COL4A2: variants seen among roughly 807,000 people sequenced by gnomAD.
COL4A2 encodes the protein collagen alpha-2(IV) chain.
A neutral mutation model predicts 200.2 loss-of-function variants in COL4A2; 99 were observed. The ratio of observed to expected loss-of-function variants is 0.49; its 90% confidence interval spans 0.42 to 0.58. The LOEUF is 0.58. COL4A2 is among the 20% of genes least tolerant of loss of function. The pLI is 0.00. For missense variants in COL4A2, 1,950 were observed against 2,314.1 expected (o/e 0.84, Z 3.23); for synonymous variants, 897 against 900.6 (o/e 1.00, Z 0.07).
At chr13:110,330,571 G>A (rs1875861207) in intron 3 of COL4A2, among the ~76,000 whole-genome samples, 1 of 152,190 alleles carries the variant, frequency 6.6e-6, no homozygotes, top group Admixed American at 6.5e-5. Context: ...CTGGGATTCT[G>A]TTATGGTTCA....
At chr13:110,339,639 T>C (rs1417175670) in intron 3 of COL4A2, among the ~76,000 whole-genome samples, 1 of 152,166 alleles carries the variant, frequency 6.6e-6, no homozygotes, top group Non-Finnish European at 1.5e-5. Flanking sequence ...GACTGGGATC[T>C]CCCAGAATTA....
chr13:110,479,054 G>A (rs1479519349), intron 30 of COL4A2, among the ~76,000 whole-genome samples: 1 of 152,188 alleles, frequency 6.6e-6, no homozygotes, highest in Non-Finnish European at 1.5e-5. Context: ...GACTCAGGTA[G>A]GGCCCGCTCC....
chr13:110,323,103 G>T (rs7338798), intron 3 of COL4A2, among the ~76,000 whole-genome samples: 146,705 of 152,346 alleles, frequency 0.96, 70,869 homozygotes, highest in East Asian at 1. Flanking sequence ...GACAAAGATA[G>T]GGATCCACTG....
At chr13:110,308,187 T>A in intron 3 of COL4A2, 64 bp downstream of exon 3, 1 of 1,583,708 alleles carries the variant, frequency 6.3e-7, no homozygotes, top group Non-Finnish European at 8.6e-7. Context: ...TTGAGTGGCC[T>A]TGGAGAAGGC....
intron 34 of COL4A2, among the ~76,000 whole-genome samples, chr13:110,488,004 C>T (rs997377685): frequency 7.9e-5 from 12 of 152,120 alleles, no homozygotes; most frequent in African/African-American, 2.9e-4. Flanking sequence ...CTCCCCCTTC[C>T]TCCCACAAAG....
intron 40 of COL4A2, among the ~76,000 whole-genome samples, chr13:110,501,160 CTG>C (rs1338343061): frequency 1.3e-5 from 2 of 152,202 alleles, no homozygotes; most frequent in East Asian, 1.9e-4. Context: ...AACACAGAAT[CTG>C]TGAATAATGA....
At position 110,369,355 on chromosome 13, in the gene COL4A2, C is replaced by T. The variant is rs530851782; in HGVS notation, c.180+11803C>T. Among the ~76,000 whole-genome samples, 4 of 152,312 alleles carry T rather than the reference C, an allele frequency of 2.6e-5. No homozygotes were observed. The South Asian group carries it at 8.3e-4, about 32-fold the overall frequency. ...CCGACCTGGCACTCAAAGGTCATCT[C>T]GTTGGAGCATTTTGGATTTCAGATT... is the stretch of plus-strand genomic sequence containing the variant. On this transcript the variant is annotated intron_variant, in intron 4 of 47. Transcript: ENST00000360467.
intron 4 of COL4A2, among the ~76,000 whole-genome samples, chr13:110,369,386 G>C (rs1019494872): frequency 3.3e-5 from 5 of 152,090 alleles, no homozygotes; most frequent in African/African-American, 1.2e-4. Context: ...AGATTTTTCA[G>C]TTTAGGGTTG....
chr13:110,419,876 T>C (rs902525989), intron 4 of COL4A2, among the ~76,000 whole-genome samples: 2 of 152,382 alleles, frequency 1.3e-5, no homozygotes, highest in South Asian at 2.1e-4. Flanking sequence ...AATACTCTTA[T>C]GTTCCTCTGC....
intron 3 of COL4A2, among the ~76,000 whole-genome samples, chr13:110,316,887 A>ACC (rs1472685729): frequency 6.6e-6 from 1 of 152,212 alleles, no homozygotes. Flanking sequence ...GTACATGTAA[A>ACC]ACATAGATAT....
intron 11 of COL4A2, among the ~76,000 whole-genome samples, chr13:110,432,855 T>C (rs1880732836): frequency 6.6e-6 from 1 of 152,214 alleles, no homozygotes. Flanking sequence ...TGTATACTGT[T>C]TTCATCCCAG....
At chr13:110,385,350 C>T (rs1489597968) in intron 4 of COL4A2, among the ~76,000 whole-genome samples, 2 of 152,126 alleles carry the variant, frequency 1.3e-5, no homozygotes, top group Admixed American at 1.3e-4. Context: ...AAATCCTCAT[C>T]CTGGACTTCT....
At chr13:110,390,992 G>T (rs994051896) in intron 4 of COL4A2, among the ~76,000 whole-genome samples, 1 of 152,168 alleles carries the variant, frequency 6.6e-6, no homozygotes, top group African/African-American at 2.4e-5. Context: ...CAATCATTTG[G>T]GTCCCAAGTG....
chr13:110,419,584 T>C (rs1352359420), intron 4 of COL4A2, among the ~76,000 whole-genome samples: 2 of 152,226 alleles, frequency 1.3e-5, no homozygotes, highest in African/African-American at 2.4e-5. Flanking sequence ...AATTCCCCAA[T>C]TGATGAATGC....
Position 110,308,079 on chromosome 13 carries a change from C to T in COL4A2, c.55C>T (p.Leu19=), listed in dbSNP as rs748996226. Residue 19 remains leucine (L), a synonymous_variant, in exon 3 of 48, where the codon CTG becomes TTG. Transcript: ENST00000360467. ...AGPALRRWLL[L]GTVTVGFLAQ... ...CCCTTTCCCATGCAGGTGGCTGCTG[C>T]TGGGGACAGTGACCGTGGGGTTCCT... 28 of 1,613,756 alleles carry T rather than the reference C, an allele frequency of 1.7e-5. No individual in the cohort carries two copies. The highest frequency in any genetic ancestry group is 1.6e-4 in the Middle Eastern group (1 of 6,084).
intron 3 of COL4A2, among the ~76,000 whole-genome samples, chr13:110,341,254 G>A (rs1234251874): frequency 6.6e-6 from 1 of 152,190 alleles, no homozygotes; most frequent in African/African-American, 2.4e-5. Context: ...GACCAACACC[G>A]CCCTGCACAA....
At chr13:110,485,140 C>A in intron 33 of COL4A2, 113 bp downstream of exon 33, 2 of 978,464 alleles carry the variant, frequency 2.0e-6, no homozygotes, top group Non-Finnish European at 2.9e-6. Flanking sequence ...TGGCTTTCTT[C>A]GTGCTTTTCA....
chr13:110,430,492 T>TCCCCA, intron 9 of COL4A2, 53 bp from the exon 10 acceptor site: 1 of 1,614,104 alleles, frequency 6.2e-7, no homozygotes, highest in Non-Finnish European at 8.5e-7. Flanking sequence ...GCTTCAGAAC[T>TCCCCA]CCAAGTACCA....
At position 110,482,628 on chromosome 13, in the gene COL4A2, G is replaced by C; in HGVS notation, c.2871G>C (p.Leu957=). ...GEAGFFGIPG[L]KGLAGEPGFK... is the part of the protein sequence containing the mutation. ...CTGGATTTTTCGGAATACCCGGTCT[G>C]AAGGGTCTGGCTGGTGAGCCAGGTT... The change falls in exon 32 of 48, where the codon CTG becomes CTC. Residue 957 remains leucine (L), a synonymous_variant. Coordinates refer to ENST00000360467, the MANE Select transcript of COL4A2 (RefSeq NM_001846.4). The C allele has an allele frequency of 6.2e-7, 1 of 1,614,126 alleles. No individual in the cohort carries two copies. The highest frequency in any genetic ancestry group is 8.5e-7 in the Non-Finnish European group (1 of 1,180,020).
Sources: allele counts gnomAD v4.1 joint callset (sites outside exome capture counted in the v4.1 genomes callset), GRCh38; gene constraint gnomAD v4.1.1; transcripts MANE v1.5; gene names NCBI Gene and HGNC (gene_info 2026-07-23, HGNC 2026-07-21).